The following TOMM40 variants were observed in gnomAD, a reference collection of about 807,000 sequenced individuals.
TOMM40 encodes mitochondrial import receptor subunit TOM40 homolog.
A neutral mutation model predicts 38.4 loss-of-function variants in TOMM40; 9 were observed. The observed-to-expected ratio is 0.23, with a 90% CI of 0.14 to 0.41. The LOEUF is 0.41. Ranked by LOEUF, TOMM40 falls within the 10% of genes least tolerant of loss-of-function variation. The pLI is 1.00. For synonymous variants in TOMM40, 184 were observed against 210.0 expected, an observed-to-expected ratio of 0.88 and a Z score of 1.07; for missense variants, 299 against 486.5, an observed-to-expected ratio of 0.61 and a Z score of 3.63.
chr19:44,900,689 C>A, intron 5 of TOMM40, 41 bp from the exon 6 acceptor site: 2 of 1,611,600 alleles, frequency 1.2e-6, no homozygotes, highest in East Asian at 4.5e-5. Context: ...TCTAGCCTGG[C>A]ACTCAGGGTG....
At chr19:44,900,230 G>C (rs941926756) in intron 5 of TOMM40, among the ~76,000 whole-genome samples, 3 of 152,178 alleles carry the variant, frequency 2.0e-5, no homozygotes, top group Non-Finnish European at 4.4e-5. Context: ...GAGGCAGTTA[G>C]GTTCACAGAG....
intron 1 of TOMM40, 147 bp downstream of exon 1, chr19:44,891,836 T>A: frequency 3.4e-6 from 3 of 891,912 alleles, no homozygotes; most frequent in Non-Finnish European, 4.6e-6. Context: ...GGTGGAACGT[T>A]GGACTTGGGG....
chr19:44,891,365 G>A lies in TOMM40; in HGVS notation c.-51G>A. 1 of 1,231,328 alleles carries A rather than the reference G, an allele frequency of 8.1e-7. No individual in the cohort carries two copies. The highest frequency in any genetic ancestry group is 1.0e-6 in the Non-Finnish European group (1 of 985,756). 76.3% of individuals were successfully genotyped at this position (1,231,328 alleles called of 1,614,324 possible). A position where few individuals can be genotyped will look rare whatever the true frequency, so the allele number is the denominator to read the frequency against. On this transcript the variant is annotated 5_prime_UTR_variant, in exon 1 of 9. Coordinates refer to ENST00000426677, the MANE Select transcript of TOMM40 (RefSeq NM_001128917.2). ...GCGGATTTGCTGGGGCTGAGTCGGG[G>A]GCGCGCGGGCCCTGACCTCTGCCCT... is the stretch of plus-strand genomic sequence containing the variant.
At chr19:44,902,207 C>T (rs1450338840) in intron 8 of TOMM40, 24 of 152,168 alleles carry the variant, frequency 1.6e-4, no homozygotes, top group Admixed American at 1.4e-3. Context: ...CTGCACTTGA[C>T]TCTCTTATTT....
At chr19:44,897,765 ACG>A (rs1969593686) in intron 5 of TOMM40, among the ~76,000 whole-genome samples, 1 of 129,720 alleles carries the variant, frequency 7.7e-6, no homozygotes, top group East Asian at 2.2e-4. Flanking sequence ...CAAGAGCAAA[ACG>A]CCCCATCTCA....
Position 44,902,934 on chromosome 19 carries a change from AGCTGTCG to A in TOMM40, c.947-93_947-87del, listed in dbSNP as rs1328591383. Reference sequence around the variant, plus strand: ...GGAGCAGTGTGGTTAAAGGTCTGGAAGCTGTCGGCATGTGGCTGGTATCCAAGGTGGC... The same window carrying A: ...GGAGCAGTGTGGTTAAAGGTCTGGAAGCATGTGGCTGGTATCCAAGGTGGC... On this transcript the variant is annotated intron_variant, in intron 8 of 8. Coordinates refer to ENST00000426677, the MANE Select transcript of TOMM40 (RefSeq NM_001128917.2). 6.0e-6 allele frequency: 9 copies of A among 1,499,142 alleles called. No homozygotes were observed. The East Asian group carries it at 1.9e-4, about 32-fold the overall frequency. 92.9% of individuals were successfully genotyped at this position (1,499,142 alleles called of 1,614,324 possible). A position where few individuals can be genotyped will look rare whatever the true frequency, so the allele number is the denominator to read the frequency against.
intron 2 of TOMM40, 113 bp downstream of exon 2, chr19:44,892,573 TGAAAAGACTCGGAGATATA>T (rs1347439422): frequency 4.8e-6 from 5 of 1,043,490 alleles, no homozygotes; most frequent in East Asian, 4.9e-5. Flanking sequence ...CCCTGATACT[TGAAAAGACTCGGAGATATA>T]GTGCCAGACT....
At position 44,892,910 on chromosome 19, in the gene TOMM40, A is replaced by G; in HGVS notation, c.416A>G (p.Lys139Arg). 4 of 1,613,844 alleles carry G rather than the reference A, an allele frequency of 2.5e-6. No homozygotes were observed. The highest frequency in any genetic ancestry group is 3.4e-6 in the Non-Finnish European group (4 of 1,179,800). The change falls in exon 3 of 9, where the codon AAG becomes AGG. Residue 139 changes from lysine to arginine, a missense_variant. Coordinates refer to ENST00000426677, the MANE Select transcript of TOMM40 (RefSeq NM_001128917.2). ...TTCGGGGTCACATATGTGGGGACAAAGCAGCTGAGTCCCACAGAGGTGAGC... is the reference window on the plus strand; with the variant it reads ...TTCGGGGTCACATATGTGGGGACAAGGCAGCTGAGTCCCACAGAGGTGAGC... ...YHFGVTYVGT[K>R]QLSPTEAFPV...
chr19:44,891,760 C>A, intron 1 of TOMM40, 71 bp downstream of exon 1: 2 of 1,337,452 alleles, frequency 1.5e-6, no homozygotes, highest in Non-Finnish European at 1.9e-6. Context: ...ACACTGGGGA[C>A]TCTGGGATTT....
rs1969720279 is a variant in TOMM40 at position 44,903,325 on chromosome 19, G to A, written c.*156G>A. ...GAGGGACCCCGCCACCCCAGCAGCT[G>A]AGGAGGGGATTCTGGAACTGAATGG... On this transcript the variant is annotated 3_prime_UTR_variant, in exon 9 of 9. Transcript: ENST00000426677. 1 of 757,526 alleles carries A rather than the reference G, an allele frequency of 1.3e-6. No individual in the cohort carries two copies. Among genetic ancestry groups the A allele is most frequent in the Non-Finnish European group, 2.0e-6 (1 of 493,516 alleles). 46.9% of individuals were successfully genotyped at this position (757,526 alleles called of 1,614,324 possible). A position where few individuals can be genotyped will look rare whatever the true frequency, so the allele number is the denominator to read the frequency against.
In TOMM40 at chr19:44,892,868, G is replaced by A; in HGVS notation, c.374G>A (p.Gly125Glu). Residue 125 changes from glycine (G) to glutamate (E), a missense_variant, in exon 3 of 9, where the codon GGG becomes GAG. Gly to Glu is a moderately conservative substitution (Grantham distance 98). Transcript: ENST00000426677. ...VNHTVALSTIGESNYHFGVTY... is the reference protein window; with the variant it reads ...VNHTVALSTIEESNYHFGVTY... ...CACACAGTAGCCCTCAGCACAATCG[G>A]GGAGTCCAACTACCACTTCGGGGTC... The A allele has an allele frequency of 6.2e-7, 1 of 1,613,922 alleles. No individual in the cohort carries two copies. The highest frequency in any genetic ancestry group is 8.5e-7 in the Non-Finnish European group (1 of 1,179,876).
At chr19:44,894,665 C>T (rs978962771) in intron 5 of TOMM40, among the ~76,000 whole-genome samples, 1 of 152,090 alleles carries the variant, frequency 6.6e-6, no homozygotes, top group African/African-American at 2.4e-5. Context: ...TGGCTTCAAG[C>T]AATCCTCCCA....
Position 44,903,064 on chromosome 19 carries a change from G to T in TOMM40, c.981G>T (p.Thr327=), listed in dbSNP as rs546503733. The T allele has an allele frequency of 1.3e-5, 21 of 1,613,078 alleles. No homozygotes were observed. In the South Asian group the frequency reaches 2.0e-4, roughly 15 times the overall value. The stretch of plus-strand genomic sequence containing the variant: ...ATAGCAACTGGATCGTGGGTGCCAC[G>T]CTGGAGAAGAAGCTCCCACCCCTGC... ...SVDSNWIVGA[T]LEKKLPPLPL... The change falls in exon 9 of 9, where the codon ACG becomes ACT. Residue 327 remains threonine, a synonymous_variant. Coordinates refer to ENST00000426677, the MANE Select transcript of TOMM40 (RefSeq NM_001128917.2).
chr19:44,896,703 G>A (rs2122758738), intron 5 of TOMM40, among the ~76,000 whole-genome samples: 1 of 152,238 alleles, frequency 6.6e-6, no homozygotes, highest in South Asian at 2.1e-4. Context: ...AGCACCTCAT[G>A]TGTGCCCAGC....
intron 3 of TOMM40, 129 bp downstream of exon 3, chr19:44,893,058 C>T: frequency 1.4e-6 from 1 of 701,104 alleles, no homozygotes; most frequent in East Asian, 2.8e-5. Context: ...GATTGCATCT[C>T]TCCGAGGTGC....
chr19:44,896,468 T>C (rs1969568046), intron 5 of TOMM40, among the ~76,000 whole-genome samples: 1 of 152,156 alleles, frequency 6.6e-6, no homozygotes, highest in African/African-American at 2.4e-5. Flanking sequence ...CTGGGCCACA[T>C]GCACAGTCAC....
intron 5 of TOMM40, among the ~76,000 whole-genome samples, chr19:44,899,706 T>C (rs1293105997): frequency 2.0e-5 from 3 of 151,236 alleles, no homozygotes; most frequent in African/African-American, 7.3e-5. Context: ...TCACCTAGGC[T>C]TGTCTCCAAC....
rs1322955415 is a variant in TOMM40 at position 44,892,846 on chromosome 19, A to T, written c.352A>T (p.Thr118Ser). The change falls in exon 3 of 9, where the codon ACA (threonine) becomes TCA (serine). Residue 118 changes from threonine to serine, a missense_variant. By Grantham distance (58) the Thr-to-Ser change is moderately conservative (BLOSUM62 1). Coordinates refer to ENST00000426677, the MANE Select transcript of TOMM40 (RefSeq NM_001128917.2). ...GLSNHFQVNH[T>S]VALSTIGESN... ...CTCGCTTTCCTTCCAGGTCAACCAC[A>T]CAGTAGCCCTCAGCACAATCGGGGA... The T allele has an allele frequency of 6.2e-7, 1 of 1,613,566 alleles. No homozygotes were observed. The highest frequency in any genetic ancestry group is 1.7e-5 in the Admixed American group (1 of 60,008).
chr19:44,896,384 C>T (rs1159093227), intron 5 of TOMM40, among the ~76,000 whole-genome samples: 1 of 152,178 alleles, frequency 6.6e-6, no homozygotes, highest in Non-Finnish European at 1.5e-5. Context: ...CCTCATCTGT[C>T]ACTTGGGCAC....
Sources: gnomAD v4.1 joint callset for allele counts (sites outside exome capture counted in the v4.1 genomes callset) on GRCh38, gnomAD v4.1.1 for gene constraint, MANE v1.5 for transcripts, NCBI Gene and HGNC (gene_info 2026-07-23, HGNC 2026-07-21) for gene names.